The following PRKCQ variants were observed in gnomAD, a reference collection of about 807,000 sequenced individuals.
The protein encoded by PRKCQ is protein kinase C theta.
In PRKCQ, 41 loss-of-function variants were observed where a neutral mutation model predicts 91.2. The observed-to-expected ratio is 0.45, with a 90% CI of 0.35 to 0.58. The LOEUF (loss-of-function observed/expected upper bound fraction) is 0.58. PRKCQ is among the 20% of genes least tolerant of loss of function. PRKCQ has a pLI of 0.00. For synonymous variants in PRKCQ, 307 were observed against 316.9 expected, an observed-to-expected ratio of 0.97 and a Z score of 0.33; for missense variants, 673 against 896.5, an observed-to-expected ratio of 0.75 and a Z score of 3.18.
chr10:6,532,321 A>G (rs747547482), intron 1 of PRKCQ, among the ~76,000 whole-genome samples: 4 of 152,244 alleles, frequency 2.6e-5, no homozygotes, highest in Admixed American at 6.5e-5. Context: ...TAAGAAAAAC[A>G]TGGTTTAAAA....
At chr10:6,462,510 G>A in intron 13 of PRKCQ, 145 bp from the exon 14 acceptor site, 2 of 674,944 alleles carry the variant, frequency 3.0e-6, no homozygotes, top group South Asian at 1.9e-5. Context: ...CAAGGAAGAT[G>A]TTGTCCATTC....
At chr10:6,510,002 T>C (rs1838389942) in intron 3 of PRKCQ, among the ~76,000 whole-genome samples, 1 of 152,190 alleles carries the variant, frequency 6.6e-6, no homozygotes, top group African/African-American at 2.4e-5. Context: ...TCTTAAAATC[T>C]GAGTTCTTGA....
At chr10:6,493,151 C>T (rs1336256198) in intron 7 of PRKCQ, among the ~76,000 whole-genome samples, 3 of 152,172 alleles carry the variant, frequency 2.0e-5, no homozygotes, top group South Asian at 2.1e-4. Flanking sequence ...GCTATGTACA[C>T]GCTTTCCAGT....
Position 6,514,875 on chromosome 10 carries a change from G to C in PRKCQ, c.118+143C>G. On this transcript the variant is annotated intron_variant, in intron 2 of 17. Transcript: ENST00000263125. ...ATGTGTGTCCATGAGGAAGTCCTTG[G>C]CTTTGCTGGGCATCAGCGTCCTAAA... The C allele has an allele frequency of 5.1e-6, 7 of 1,380,586 alleles. No individual in the cohort carries two copies. The South Asian group carries it at 8.8e-5, about 17-fold the overall frequency. The allele number at this position is 1,380,586 out of a possible 1,614,324, so 85.5% of individuals were successfully genotyped here.
chr10:6,434,873 T>C (rs1286955352), intron 16 of PRKCQ, among the ~76,000 whole-genome samples: 3 of 152,220 alleles, frequency 2.0e-5, no homozygotes, highest in Non-Finnish European at 4.4e-5. Context: ...TTCAAACAAA[T>C]AGACAGGACA....
chr10:6,412,297 G>A, the PRKCQ span, among the ~76,000 whole-genome samples: 3 of 152,272 alleles, frequency 2.0e-5, no homozygotes, highest in East Asian at 1.9e-4. Context: ...AGTTATCTTC[G>A]AATTCGCTTT....
At chr10:6,474,735 C>G (rs948084761) in intron 12 of PRKCQ, among the ~76,000 whole-genome samples, 3 of 152,106 alleles carry the variant, frequency 2.0e-5, no homozygotes, top group Non-Finnish European at 4.4e-5. Context: ...TTTAAATCTA[C>G]TTGTAAGTGG....
intron 1 of PRKCQ, among the ~76,000 whole-genome samples, chr10:6,533,229 G>T (rs149055871): frequency 2.8e-3 from 431 of 152,146 alleles, no homozygotes; most frequent in African/African-American, 9.7e-3. Context: ...ATGGAGTCTT[G>T]CTCAGCTGCC....
intron 11 of PRKCQ, 28 bp downstream of exon 11, chr10:6,483,412 C>T: frequency 6.2e-7 from 1 of 1,613,818 alleles, no homozygotes; most frequent in Non-Finnish European, 8.5e-7. Context: ...GGAGTTGGGC[C>T]ATAGCATTCT....
intron 8 of PRKCQ, among the ~76,000 whole-genome samples, chr10:6,490,604 G>T (rs1254690113): frequency 1.3e-5 from 2 of 151,172 alleles, no homozygotes; most frequent in Admixed American, 1.3e-4. Flanking sequence ...ACAAAAACAG[G>T]CATGGTAGCA....
intron 12 of PRKCQ, among the ~76,000 whole-genome samples, chr10:6,476,460 A>G (rs1201141482): frequency 6.6e-6 from 1 of 152,224 alleles, no homozygotes; most frequent in Non-Finnish European, 1.5e-5. Context: ...CTCCCAATTA[A>G]CAACTGTTAG....
At chr10:6,566,740 A>G (rs1285373955) in intron 1 of PRKCQ, among the ~76,000 whole-genome samples, 1 of 152,054 alleles carries the variant, frequency 6.6e-6, no homozygotes, top group African/African-American at 2.4e-5. Flanking sequence ...AGAACTCAGG[A>G]GGGGAGGAAC....
intron 17 of PRKCQ, among the ~76,000 whole-genome samples, chr10:6,429,089 G>A (rs1189090623): frequency 6.6e-6 from 1 of 152,214 alleles, no homozygotes; most frequent in Non-Finnish European, 1.5e-5. Context: ...TGAACACAGA[G>A]AAGCGAAATG....
At chr10:6,518,688 G>T (rs1479250797) in intron 1 of PRKCQ, among the ~76,000 whole-genome samples, 1 of 152,094 alleles carries the variant, frequency 6.6e-6, no homozygotes, top group East Asian at 1.9e-4. Context: ...AGGCATGGTG[G>T]GGGGCACCTG....
intron 8 of PRKCQ, among the ~76,000 whole-genome samples, chr10:6,486,409 G>C (rs1309658381): frequency 6.6e-6 from 1 of 152,162 alleles, no homozygotes; most frequent in East Asian, 1.9e-4. Flanking sequence ...GGCAGAAGCA[G>C]CTTTCCAGAA....
At chr10:6,426,038 C>A (rs1041232593), downstream of PRKCQ, among the ~76,000 whole-genome samples, 5 of 152,020 alleles carry the variant, frequency 3.3e-5, no homozygotes, top group Non-Finnish European at 1.5e-5. Context: ...GTAGAGCTGC[C>A]CCCAGGCCTG....
chr10:6,415,988 A>C, the PRKCQ span, among the ~76,000 whole-genome samples: 141,796 of 151,980 alleles, frequency 0.93, 66,244 homozygotes, highest in Non-Finnish European at 0.95. Context: ...CTCAGGTGAT[A>C]TGCCCGACTC....
intron 4 of PRKCQ, among the ~76,000 whole-genome samples, chr10:6,498,864 GA>G (rs1837761133): frequency 6.6e-6 from 1 of 152,176 alleles, no homozygotes; most frequent in Non-Finnish European, 1.5e-5. Flanking sequence ...CAAAACCAGA[GA>G]TTAGAACTTT....
At chr10:6,426,808 T>TGTCA (rs1833134913), downstream of PRKCQ, among the ~76,000 whole-genome samples, 3 of 152,264 alleles carry the variant, frequency 2.0e-5, no homozygotes, top group Non-Finnish European at 1.5e-5. Context: ...ATTGCCTTAA[T>TGTCA]GTCATCTGAC....
Sources: allele counts gnomAD v4.1 joint callset (sites outside exome capture counted in the v4.1 genomes callset), GRCh38; gene constraint gnomAD v4.1.1; transcripts MANE v1.5; gene names NCBI Gene and HGNC (gene_info 2026-07-23, HGNC 2026-07-21).